Variants in LRRC3B observed in about 807,000 individuals in gnomAD.
The protein encoded by LRRC3B is leucine rich repeat containing 3B, also known as leucine-rich repeat-containing protein 3B.
A neutral mutation model predicts 12.8 loss-of-function variants in LRRC3B; 2 were observed. That is an observed-to-expected ratio of 0.16 (90% CI 0.06 to 0.49). The LOEUF is 0.49. Among genes scored for constraint, LRRC3B ranks in the 20% least tolerant of loss-of-function variants. LRRC3B has a pLI of 0.96. For synonymous variants in LRRC3B, 132 were observed against 122.0 expected (o/e 1.08, Z -0.54); for missense variants, 189 against 319.4 (o/e 0.59, Z 3.11).
intron 1 of LRRC3B, among the ~76,000 whole-genome samples, chr3:26,631,473 C>A (rs1698755503): frequency 1.3e-5 from 2 of 152,150 alleles, no homozygotes; most frequent in Admixed American, 1.3e-4. Context: ...AGGTCAGGAT[C>A]TGAAGAATTT....
At chr3:26,651,393 A>G (rs1400966990) in intron 1 of LRRC3B, among the ~76,000 whole-genome samples, 1 of 152,054 alleles carries the variant, frequency 6.6e-6, no homozygotes, top group Non-Finnish European at 1.5e-5. Flanking sequence ...TTTTCTTCCC[A>G]TGCTTGTCAC....
intron 1 of LRRC3B, among the ~76,000 whole-genome samples, chr3:26,691,239 T>A (rs1305379396): frequency 6.6e-6 from 1 of 151,122 alleles, no homozygotes; most frequent in Non-Finnish European, 1.5e-5. Context: ...CTTAAGAGAA[T>A]GAAGAATCTA....
intron 1 of LRRC3B, among the ~76,000 whole-genome samples, chr3:26,685,381 A>G (rs2125444474): frequency 6.6e-6 from 1 of 151,008 alleles, no homozygotes; most frequent in Non-Finnish European, 1.5e-5. Flanking sequence ...GCTTGTCAAA[A>G]TGCTACCTAT....
At chr3:26,696,478 C>G (rs1435351770) in intron 1 of LRRC3B, among the ~76,000 whole-genome samples, 1 of 152,152 alleles carries the variant, frequency 6.6e-6, no homozygotes, top group Non-Finnish European at 1.5e-5. Flanking sequence ...AAATGGCATT[C>G]TGTAAATTTG....
chr3:26,691,103 G>A lies in LRRC3B; in HGVS notation c.-160-18410G>A, dbSNP rs6783020. Among the ~76,000 whole-genome samples, 1,492 of 44,724 alleles carry A rather than the reference G, an allele frequency of 0.033. 25 individuals carry two copies. The East Asian group carries it at 0.37, about 11-fold the overall frequency. 29.3% of individuals were successfully genotyped at this position (44,724 alleles called of 152,430 possible). A position where few individuals can be genotyped will look rare whatever the true frequency, so the allele number is the denominator to read the frequency against. ...TGTGTGTGTGTATATGTGTGTGTGT[G>A]TGTATATATATATATATATATATAT... On this transcript the variant is annotated intron_variant, in intron 1 of 1. Coordinates refer to ENST00000396641, the Ensembl canonical transcript of LRRC3B.
At chr3:26,709,077 G>A (rs1191457821) in intron 1 of LRRC3B, among the ~76,000 whole-genome samples, 1 of 152,248 alleles carries the variant, frequency 6.6e-6, no homozygotes, top group Non-Finnish European at 1.5e-5. Context: ...AGATATCCCT[G>A]TCTATAGTCA....
At chr3:26,638,970 T>C (rs1575117113) in intron 1 of LRRC3B, among the ~76,000 whole-genome samples, 1 of 152,110 alleles carries the variant, frequency 6.6e-6, no homozygotes, top group African/African-American at 2.4e-5. Context: ...GGAGACGAGG[T>C]AGGGATGAGA....
intron 1 of LRRC3B, among the ~76,000 whole-genome samples, chr3:26,697,951 A>G (rs1205973375): frequency 2.0e-5 from 3 of 152,092 alleles, no homozygotes; most frequent in Admixed American, 2.0e-4. Context: ...TATGATTCTG[A>G]TTTACCTATG....
chr3:26,693,642 G>T (rs1700241434), intron 1 of LRRC3B, among the ~76,000 whole-genome samples: 1 of 152,192 alleles, frequency 6.6e-6, no homozygotes, highest in Admixed American at 6.5e-5. Context: ...TTGAGGTCCA[G>T]TGTTAAGCAA....
chr3:26,694,842 A>G (rs1281373051), intron 1 of LRRC3B: 1 of 152,222 alleles, frequency 6.6e-6, no homozygotes, highest in African/African-American at 2.4e-5. Context: ...GTTGTCTATC[A>G]ATGCCTCCTG....
chr3:26,682,817 C>CA (rs989539014), intron 1 of LRRC3B, among the ~76,000 whole-genome samples: 10 of 152,300 alleles, frequency 6.6e-5, no homozygotes, highest in African/African-American at 1.2e-4. Flanking sequence ...TTAAAAGTGT[C>CA]AAAAAATTGC....
chr3:26,699,617 T>A (rs1191151509), intron 1 of LRRC3B, among the ~76,000 whole-genome samples: 1 of 152,166 alleles, frequency 6.6e-6, no homozygotes, highest in Non-Finnish European at 1.5e-5. Context: ...CTCATCCTAC[T>A]CAGAAGTACA....
At chr3:26,680,631 CCAAA>C (rs773185248) in intron 1 of LRRC3B, among the ~76,000 whole-genome samples, 65 of 152,204 alleles carry the variant, frequency 4.3e-4, no homozygotes, top group Non-Finnish European at 7.3e-4. Flanking sequence ...CCAGTATTGT[CCAAA>C]CAAACAATTG....
chr3:26,634,147 G>T (rs1451298250), intron 1 of LRRC3B, among the ~76,000 whole-genome samples: 3 of 151,828 alleles, frequency 2.0e-5, no homozygotes, highest in Non-Finnish European at 4.4e-5. Context: ...ATTAGCTGTT[G>T]ACCACAGGTG....
intron 1 of LRRC3B, chr3:26,701,235 A>G (rs998784140): frequency 9.2e-5 from 14 of 152,084 alleles, no homozygotes; most frequent in Admixed American, 4.6e-4. Flanking sequence ...GCTCAAAGGG[A>G]AAGAGGATTT....
intron 1 of LRRC3B, among the ~76,000 whole-genome samples, chr3:26,674,549 T>TTCTA (rs1271500431): frequency 1.5e-4 from 23 of 152,308 alleles, no homozygotes; most frequent in African/African-American, 3.4e-4. Flanking sequence ...AATAAAAACA[T>TTCTA]TCTATCTATT....
intron 1 of LRRC3B, among the ~76,000 whole-genome samples, chr3:26,652,710 TAA>T (rs937433713): frequency 4.0e-5 from 6 of 151,306 alleles, no homozygotes; most frequent in Non-Finnish European, 8.9e-5. Context: ...TTCTTTTTTT[TAA>T]AAAAAAATCA....
chr3:26,631,391 G>A lies in LRRC3B; in HGVS notation c.-161+8154G>A, dbSNP rs546472044. ...AAAATAGTTTTTAAAGATTCACTTC[G>A]TTTCCCTTCCCACTTCCCAGTTATC... On this transcript the variant is annotated intron_variant, in intron 1 of 1. Transcript: ENST00000396641. Among the ~76,000 whole-genome samples, 13 of 152,218 alleles carry A rather than the reference G, an allele frequency of 8.5e-5. No individual in the cohort carries two copies. In the East Asian group the frequency reaches 1.5e-3, roughly 18 times the overall value.
At chr3:26,690,250 G>C (rs939917258) in intron 1 of LRRC3B, among the ~76,000 whole-genome samples, 11 of 152,130 alleles carry the variant, frequency 7.2e-5, no homozygotes, top group Admixed American at 3.3e-4. Flanking sequence ...GATTGTGCAC[G>C]TATCTAAAGA....
Sources: gnomAD v4.1 joint callset for allele counts (sites outside exome capture counted in the v4.1 genomes callset) on GRCh38, gnomAD v4.1.1 for gene constraint, MANE v1.5 for transcripts, NCBI Gene and HGNC (gene_info 2026-07-23, HGNC 2026-07-21) for gene names.